The following BLTP3B variants were observed in gnomAD, a reference collection of about 807,000 sequenced individuals.
BLTP3B encodes the protein bridge-like lipid transfer protein family member 3B, also known as UHRF1 (ICBP90) binding protein 1-like.
At chr12:100,116,169 C>CAA in the BLTP3B span, among the ~76,000 whole-genome samples, 27,307 of 106,502 alleles carry the variant, frequency 0.26, 3,758 homozygotes, top group African/African-American at 0.42. Flanking sequence ...GAGACTGTCT[C>CAA]AAAAAAAAAA....
chr12:100,131,446 A>G, the BLTP3B span, among the ~76,000 whole-genome samples: 4 of 152,076 alleles, frequency 2.6e-5, no homozygotes, highest in Non-Finnish European at 2.9e-5. Context: ...TGGTAAAAAG[A>G]AGCCAGATCT....
At chr12:100,070,947 C>T in the BLTP3B span, among the ~76,000 whole-genome samples, 2 of 151,854 alleles carry the variant, frequency 1.3e-5, no homozygotes, top group Non-Finnish European at 2.9e-5. Context: ...GAGCTGAGAT[C>T]GCACCACTGC....
the BLTP3B span, chr12:100,083,072 C>CT: frequency 6.2e-7 from 1 of 1,613,778 alleles, no homozygotes. Flanking sequence ...ATTAGCTTAG[C>CT]TTTTGATTGT....
the BLTP3B span, among the ~76,000 whole-genome samples, chr12:100,093,375 T>TTTCAATGCC: frequency 0.24 from 36,032 of 152,036 alleles, 5,779 homozygotes; most frequent in African/African-American, 0.46. Context: ...GACTCGATTC[T>TTTCAATGCC]TTCGAGTTAC....
the BLTP3B span, among the ~76,000 whole-genome samples, chr12:100,038,571 G>A: frequency 6.6e-6 from 1 of 152,120 alleles, no homozygotes; most frequent in Non-Finnish European, 1.5e-5. Context: ...CGCGACCTCA[G>A]GTGATCTGCC....
chr12:100,117,952 TGGA>T, the BLTP3B span, among the ~76,000 whole-genome samples: 1 of 152,100 alleles, frequency 6.6e-6, no homozygotes, highest in Admixed American at 6.5e-5. Flanking sequence ...AGATTTATCG[TGGA>T]GGAGATACAA....
chr12:100,093,000 A>G, the BLTP3B span: 1 of 980,356 alleles, frequency 1.0e-6, no homozygotes, highest in Non-Finnish European at 1.2e-6. Context: ...TCTCTTCCTT[A>G]TCCTCAACTT....
the BLTP3B span, chr12:100,082,982 T>C: frequency 6.6e-7 from 1 of 1,508,136 alleles, no homozygotes; most frequent in Non-Finnish European, 9.2e-7. Flanking sequence ...ACTAAAGTGT[T>C]TATGAGAAAA....
At chr12:100,058,044 G>A in the BLTP3B span, 1 of 1,569,570 alleles carries the variant, frequency 6.4e-7, no homozygotes, top group South Asian at 1.2e-5. Flanking sequence ...AGATGACTGT[G>A]ATTTAAGTGT....
the BLTP3B span, among the ~76,000 whole-genome samples, chr12:100,086,072 T>G: frequency 6.6e-6 from 1 of 152,098 alleles, no homozygotes; most frequent in African/African-American, 2.4e-5. Flanking sequence ...TTTCTAAAAA[T>G]CTATATAAAT....
At chr12:100,058,382 G>A in the BLTP3B span, 32 of 1,612,186 alleles carry the variant, frequency 2.0e-5, no homozygotes, top group Admixed American at 1.5e-4. Context: ...CTGATAAATA[G>A]TCCATAAAAG....
chr12:100,097,033 T>A, the BLTP3B span, among the ~76,000 whole-genome samples: 2 of 152,008 alleles, frequency 1.3e-5, no homozygotes, highest in Admixed American at 1.3e-4. Flanking sequence ...TGAGCCTTGA[T>A]CATGCCACTG....
chr12:100,131,029 G>GAGAA, the BLTP3B span, among the ~76,000 whole-genome samples: 4 of 123,248 alleles, frequency 3.2e-5, no homozygotes, highest in Admixed American at 1.6e-4. Flanking sequence ...GAGAGAGAGA[G>GAGAA]AGAGAAAGAG....
At chr12:100,081,767 T>C in the BLTP3B span, among the ~76,000 whole-genome samples, 1 of 152,252 alleles carries the variant, frequency 6.6e-6, no homozygotes, top group Non-Finnish European at 1.5e-5. Context: ...CATGGCTACA[T>C]AGTACTCTGC....
chr12:100,131,748 A>G, the BLTP3B span, among the ~76,000 whole-genome samples: 4 of 152,192 alleles, frequency 2.6e-5, no homozygotes, highest in African/African-American at 9.7e-5. Flanking sequence ...AAAGTCTTTT[A>G]CTTGTAACTT....
At chr12:100,043,302 G>C in the BLTP3B span, among the ~76,000 whole-genome samples, 3 of 152,292 alleles carry the variant, frequency 2.0e-5, no homozygotes, top group Middle Eastern at 3.4e-3. Flanking sequence ...CTTCCTTCAT[G>C]TGGCTATCTA....
chr12:100,101,923 C>A, the BLTP3B span, among the ~76,000 whole-genome samples: 1 of 152,042 alleles, frequency 6.6e-6, no homozygotes, highest in African/African-American at 2.4e-5. Flanking sequence ...CCTGCCTGGG[C>A]CTCCTCAGTA....
chr12:100,066,690 G>A, the BLTP3B span, among the ~76,000 whole-genome samples: 13 of 151,516 alleles, frequency 8.6e-5, no homozygotes, highest in South Asian at 8.3e-4. Context: ...TGTAGTCCCA[G>A]CTACTCTGGA....
the BLTP3B span, among the ~76,000 whole-genome samples, chr12:100,091,183 ATTTTTTTTTTTT>A: frequency 1.2e-5 from 1 of 81,218 alleles, no homozygotes; most frequent in Non-Finnish European, 2.2e-5. Flanking sequence ...CGCCTGGCTA[ATTTTTTTTTTTT>A]TTTTTTTTTT....
Sources: allele counts gnomAD v4.1 joint callset (sites outside exome capture counted in the v4.1 genomes callset), GRCh38; gene constraint gnomAD v4.1.1; transcripts MANE v1.5; gene names NCBI Gene and HGNC (gene_info 2026-07-23, HGNC 2026-07-21).